CTNNA2: variants seen among roughly 807,000 people sequenced by gnomAD.
CTNNA2 encodes catenin alpha-2.
A neutral mutation model predicts 101.0 loss-of-function variants in CTNNA2; 42 were observed. The ratio of observed to expected loss-of-function variants is 0.42; its 90% confidence interval spans 0.32 to 0.54. The LOEUF (loss-of-function observed/expected upper bound fraction) is 0.54. CTNNA2 is among the 20% of genes least tolerant of loss of function. The pLI, the probability that CTNNA2 is intolerant of heterozygous loss-of-function variation, is 0.14. For synonymous variants in CTNNA2, 450 were observed against 456.4 expected, an observed-to-expected ratio of 0.99 and a Z score of 0.18; for missense variants, 871 against 1,223.1, an observed-to-expected ratio of 0.71 and a Z score of 4.29.
intron 7 of CTNNA2, among the ~76,000 whole-genome samples, chr2:80,279,990 A>C (rs1407228648): frequency 6.6e-6 from 1 of 151,928 alleles, no homozygotes; most frequent in Non-Finnish European, 1.5e-5. Flanking sequence ...CCAGTTCAGC[A>C]ACACTCACCT....
chr2:79,389,950 A>G (rs1307643231), intron 4 of CTNNA2, among the ~76,000 whole-genome samples: 1 of 152,208 alleles, frequency 6.6e-6, no homozygotes, highest in Non-Finnish European at 1.5e-5. Context: ...TAAGCATTCT[A>G]GGAAGCAGTA....
At chr2:80,497,928 T>C (rs1021133756) in intron 9 of CTNNA2, among the ~76,000 whole-genome samples, 1 of 152,172 alleles carries the variant, frequency 6.6e-6, no homozygotes, top group African/African-American at 2.4e-5. Flanking sequence ...GACACCTTAA[T>C]TTCAGCCTCA....
chr2:79,982,606 T>C (rs1691464479), intron 7 of CTNNA2, among the ~76,000 whole-genome samples: 1 of 151,802 alleles, frequency 6.6e-6, no homozygotes, highest in African/African-American at 2.4e-5. Context: ...GCTCTTTGCT[T>C]CCTATTAGCA....
At chr2:79,366,226 G>A (rs1327914456) in intron 3 of CTNNA2, among the ~76,000 whole-genome samples, 2 of 152,152 alleles carry the variant, frequency 1.3e-5, no homozygotes, top group African/African-American at 2.4e-5. Flanking sequence ...AGGACAAGAT[G>A]TGTCATCTGC....
intron 3 of CTNNA2, among the ~76,000 whole-genome samples, chr2:79,835,666 G>GTTTTTTGTTTTTTGTTTTTTTTTTTTT (rs1679276639): frequency 1.7e-5 from 1 of 58,618 alleles, no homozygotes; most frequent in African/African-American, 7.3e-5. Flanking sequence ...GCCTCTCTTT[G>GTTTTTTGTTTTTTGTTTTTTTTTTTTT]TTTTTTTTTT....
chr2:80,533,000 C>T (rs769765392), intron 9 of CTNNA2, among the ~76,000 whole-genome samples: 30 of 152,146 alleles, frequency 2.0e-4, no homozygotes, highest in South Asian at 4.2e-4. Context: ...AGGTCTTGAA[C>T]GGGGAGCCAT....
chr2:80,615,288 C>T (rs1033903545), intron 17 of CTNNA2, among the ~76,000 whole-genome samples: 2 of 151,396 alleles, frequency 1.3e-5, no homozygotes, highest in African/African-American at 2.4e-5. Flanking sequence ...TTCCATAAGT[C>T]GTTTCTAATT....
chr2:79,759,347 C>T (rs750365984), intron 3 of CTNNA2, among the ~76,000 whole-genome samples: 10 of 151,960 alleles, frequency 6.6e-5, no homozygotes, highest in South Asian at 2.1e-4. Flanking sequence ...GAACCAAGAT[C>T]GTGCCACTGC....
At chr2:79,298,495 G>A (rs1428356841) in intron 2 of CTNNA2, among the ~76,000 whole-genome samples, 3 of 152,060 alleles carry the variant, frequency 2.0e-5, no homozygotes, top group Non-Finnish European at 4.4e-5. Context: ...CCAAAAATCT[G>A]GGTTATTTGA....
At chr2:79,993,427 C>T (rs1692320653) in intron 7 of CTNNA2, among the ~76,000 whole-genome samples, 1 of 152,176 alleles carries the variant, frequency 6.6e-6, no homozygotes, top group Admixed American at 6.5e-5. Context: ...GGTCTAAAAC[C>T]AAGAATGGAA....
chr2:79,526,162 A>T (rs1435141867), intron 1 of CTNNA2, among the ~76,000 whole-genome samples: 3 of 152,070 alleles, frequency 2.0e-5, no homozygotes, highest in African/African-American at 7.2e-5. Context: ...TATCAAAATT[A>T]TAAGTGGCAT....
At chr2:80,107,140 G>A (rs1010672910) in intron 7 of CTNNA2, among the ~76,000 whole-genome samples, 3 of 152,136 alleles carry the variant, frequency 2.0e-5, no homozygotes, top group Non-Finnish European at 4.4e-5. Flanking sequence ...CCTTCCAGCC[G>A]TAAAGCGTGA....
chr2:80,457,449 G>C (rs1001040173), intron 9 of CTNNA2, among the ~76,000 whole-genome samples: 1 of 151,898 alleles, frequency 6.6e-6, no homozygotes, highest in Non-Finnish European at 1.5e-5. Flanking sequence ...TTATGTATCA[G>C]TAAAAAAAGA....
chr2:80,138,641 G>A (rs1424597258), intron 7 of CTNNA2, among the ~76,000 whole-genome samples: 1 of 152,086 alleles, frequency 6.6e-6, no homozygotes, highest in Non-Finnish European at 1.5e-5. Flanking sequence ...AACACAGGTT[G>A]AGCAGCTGGA....
At chr2:79,773,733 G>C (rs1673760740) in intron 3 of CTNNA2, among the ~76,000 whole-genome samples, 1 of 152,012 alleles carries the variant, frequency 6.6e-6, no homozygotes, top group Non-Finnish European at 1.5e-5. Context: ...CTCATGCAAA[G>C]GTGGAAACAA....
At chr2:79,814,524 T>C (rs1365503074) in intron 3 of CTNNA2, among the ~76,000 whole-genome samples, 1 of 152,026 alleles carries the variant, frequency 6.6e-6, no homozygotes, top group Admixed American at 6.6e-5. Flanking sequence ...AGAATAATAG[T>C]CTCCAATTTC....
At chr2:80,194,637 G>T (rs901669614) in intron 7 of CTNNA2, among the ~76,000 whole-genome samples, 1 of 151,528 alleles carries the variant, frequency 6.6e-6, no homozygotes, top group African/African-American at 2.4e-5. Flanking sequence ...AGTAAAAAAA[G>T]ATTAGGTAAT....
At chr2:79,709,062 A>T (rs998437788) in intron 2 of CTNNA2, among the ~76,000 whole-genome samples, 11 of 152,202 alleles carry the variant, frequency 7.2e-5, no homozygotes, top group African/African-American at 2.7e-4. Flanking sequence ...ATAAAATTGA[A>T]AAGTAAGATA....
intron 3 of CTNNA2, among the ~76,000 whole-genome samples, chr2:79,330,870 C>A (rs1400695040): frequency 2.0e-5 from 3 of 152,162 alleles, no homozygotes; most frequent in Non-Finnish European, 4.4e-5. Flanking sequence ...ATTACCCAGT[C>A]TCAGGTATGT....
Sources: allele counts gnomAD v4.1 joint callset (sites outside exome capture counted in the v4.1 genomes callset), GRCh38; gene constraint gnomAD v4.1.1; transcripts MANE v1.5; gene names NCBI Gene and HGNC (gene_info 2026-07-23, HGNC 2026-07-21).